The following SRGN variants were observed in gnomAD, a reference collection of about 807,000 sequenced individuals.
SRGN encodes the protein serglycin, also known as hematopoetic proteoglycan core peptide.
SRGN carries 2 observed loss-of-function variants against 9.5 expected under a neutral mutation model. That is an observed-to-expected ratio of 0.21 (90% CI 0.09 to 0.66). The LOEUF is 0.66. SRGN is among the 30% of genes least tolerant of loss of function. The probability of loss-of-function intolerance (pLI) is 0.83; values close to 1 mark genes in which losing one functional copy is unlikely to be tolerated. For synonymous variants in SRGN, 59 were observed against 72.3 expected (o/e 0.82, Z 0.93); for missense variants, 170 against 192.4 (o/e 0.88, Z 0.69).
Position 69,088,255 on chromosome 10 carries a change from G to A in SRGN, c.79+19G>A, listed in dbSNP as rs1839980034. On this transcript the variant is annotated intron_variant, in intron 1 of 2. Transcript: ENST00000242465. ...GTTCAAGGTAAGACTCAGGAGTCTT[G>A]TTCCCCAGCCATCTTCTCTGTAAGC... 1 of 1,601,778 alleles carries A rather than the reference G, an allele frequency of 6.2e-7. No homozygotes were observed.
chr10:69,103,809 A>C, intron 2 of SRGN, 62 bp from the exon 3 acceptor site: 3 of 1,552,524 alleles, frequency 1.9e-6, no homozygotes, highest in Non-Finnish European at 2.6e-6. Context: ...AAACTATTAT[A>C]ATTATCTTTC....
intron 2 of SRGN, among the ~76,000 whole-genome samples, chr10:69,103,088 C>T (rs1840324187): frequency 6.6e-6 from 1 of 151,938 alleles, no homozygotes; most frequent in Non-Finnish European, 1.5e-5. Context: ...TACAGGCATG[C>T]ACCACCACAC....
intron 1 of SRGN, among the ~76,000 whole-genome samples, chr10:69,090,169 G>C (rs902409182): frequency 2.6e-5 from 4 of 152,198 alleles, no homozygotes; most frequent in Non-Finnish European, 5.9e-5. Flanking sequence ...GCACATGTGA[G>C]TGACTGCGGC....
rs1840189221 is a variant in SRGN at position 69,097,081 on chromosome 10, C to T, written c.80-3C>T. Reference sequence around the variant, plus strand: ...TTAGTAACAATGTGGGTTCCTCGGGCAGGTTATCCTACGCGGAGAGCCAGG... The same window carrying T: ...TTAGTAACAATGTGGGTTCCTCGGGTAGGTTATCCTACGCGGAGAGCCAGG... On this transcript the variant is annotated splice_region_variant and splice_polypyrimidine_tract_variant and intron_variant, in intron 1 of 2. Transcript: ENST00000242465. 1 of 1,612,854 alleles carries T rather than the reference C, an allele frequency of 6.2e-7. No individual in the cohort carries two copies. The highest frequency in any genetic ancestry group is 1.3e-5 in the African/African-American group (1 of 74,836).
intron 2 of SRGN, among the ~76,000 whole-genome samples, chr10:69,099,448 C>A (rs10998572): frequency 0.063 from 9,572 of 151,846 alleles, 353 homozygotes; most frequent in South Asian, 0.15. Flanking sequence ...CACAGGCACA[C>A]AGCACCATGC....
chr10:69,102,275 A>C (rs112092929), intron 2 of SRGN, among the ~76,000 whole-genome samples: 66 of 152,260 alleles, frequency 4.3e-4, no homozygotes, highest in African/African-American at 1.5e-3. Flanking sequence ...CAAATCTGTG[A>C]TTCTAGCTCC....
Position 69,096,994 on chromosome 10 carries a change from G to GA in SRGN, c.80-81dup, listed in dbSNP as rs949538584. ...GGGCAGCCGACTGAGACCCTGTCTC[G>GA]AAAAAAAAATAAAAATAAAAACTTC... On this transcript the variant is annotated intron_variant, in intron 1 of 2. Coordinates refer to ENST00000242465, the MANE Select transcript of SRGN (RefSeq NM_002727.4). The GA allele has an allele frequency of 2.5e-3, 3,308 of 1,330,408 alleles. 1 individual carries two copies. Among genetic ancestry groups the GA allele is most frequent in the Middle Eastern group, 3.2e-3 (16 of 4,934 alleles). 82.4% of individuals were successfully genotyped at this position (1,330,408 alleles called of 1,614,324 possible).
chr10:69,087,879 G>T (rs1839969913), upstream of SRGN, among the ~76,000 whole-genome samples: 1 of 152,074 alleles, frequency 6.6e-6, no homozygotes, highest in Non-Finnish European at 1.5e-5. Flanking sequence ...ATGTCTTGCA[G>T]GCAAGTGGCA....
chr10:69,093,549 A>C lies in SRGN; in HGVS notation c.80-3535A>C, dbSNP rs891657264. ...ACGTCTAAGTAGCAATTAGATGCTA[A>C]ACTAATGCTGCCTCAGGAAAGAATC... On this transcript the variant is annotated intron_variant, in intron 1 of 2. Coordinates refer to ENST00000242465, the MANE Select transcript of SRGN (RefSeq NM_002727.4). Among the ~76,000 whole-genome samples the C allele has an allele frequency of 2.0e-5, 3 of 152,280 alleles. No homozygotes were observed. The Middle Eastern group carries it at 0.01, about 518-fold the overall frequency.
chr10:69,104,365 A>T lies in SRGN; in HGVS notation c.*245A>T, dbSNP rs771679034. The T allele has an allele frequency of 1.1e-4, 32 of 302,226 alleles. No individual in the cohort carries two copies. Among genetic ancestry groups the T allele is most frequent in the Non-Finnish European group, 1.9e-4 (31 of 166,624 alleles). 18.7% of individuals were successfully genotyped at this position (302,226 alleles called of 1,614,324 possible). ...GGTATCATGTTCAACCAACATCATT[A>T]TGAAATTAATTAGATTCCCATGGCC... On this transcript the variant is annotated 3_prime_UTR_variant, in exon 3 of 3. Coordinates refer to ENST00000242465, the MANE Select transcript of SRGN (RefSeq NM_002727.4).
intron 2 of SRGN, among the ~76,000 whole-genome samples, chr10:69,097,576 G>A (rs923846325): frequency 7.2e-5 from 11 of 152,050 alleles, no homozygotes; most frequent in Non-Finnish European, 1.0e-4. Flanking sequence ...ACAGGCACCC[G>A]CCACCACGCC....
chr10:69,091,369 G>A (rs1271721640), intron 1 of SRGN, among the ~76,000 whole-genome samples: 1 of 152,164 alleles, frequency 6.6e-6, no homozygotes, highest in African/African-American at 2.4e-5. Flanking sequence ...TGAGTTGAGG[G>A]AGAAATTGAA....
At chr10:69,098,676 T>C (rs1235389621) in intron 2 of SRGN, 1 of 151,428 alleles carries the variant, frequency 6.6e-6, no homozygotes, top group Non-Finnish European at 1.5e-5. Context: ...TTTTTAAAAA[T>C]GGCCAGGTGC....
chr10:69,091,703 AC>A (rs1347774566), intron 1 of SRGN, among the ~76,000 whole-genome samples: 4 of 147,714 alleles, frequency 2.7e-5, no homozygotes, highest in African/African-American at 7.5e-5. Context: ...ACATGGTGAA[AC>A]CCCCATCTCT....
chr10:69,102,440 G>A (rs183987451), intron 2 of SRGN, among the ~76,000 whole-genome samples: 12 of 152,240 alleles, frequency 7.9e-5, no homozygotes, highest in Admixed American at 7.9e-4. Flanking sequence ...GGGCTTCATC[G>A]ATCTGCCTCT....
intron 1 of SRGN, among the ~76,000 whole-genome samples, 182 bp from the exon 2 acceptor site, chr10:69,096,902 G>A (rs1282992897): frequency 1.3e-5 from 2 of 152,150 alleles, no homozygotes; most frequent in Non-Finnish European, 2.9e-5. Flanking sequence ...GCTGGGGTGG[G>A]AGAATGGCTT....
upstream of SRGN, chr10:69,087,986 T>C: frequency 2.0e-6 from 1 of 489,820 alleles, no homozygotes. Context: ...CCCACCCCCT[T>C]TCTTTCTGGG....
intron 1 of SRGN, among the ~76,000 whole-genome samples, chr10:69,090,259 T>A (rs922761377): frequency 6.6e-6 from 1 of 152,218 alleles, no homozygotes; most frequent in Non-Finnish European, 1.5e-5. Flanking sequence ...ACAACATTCT[T>A]CCTGTCTTAT....
Position 69,104,103 on chromosome 10 carries a change from G to A in SRGN, c.460G>A (p.Glu154Lys). The A allele has an allele frequency of 6.2e-7, 1 of 1,614,034 alleles. No individual in the cohort carries two copies. The highest frequency in any genetic ancestry group is 1.3e-5 in the African/African-American group (1 of 75,052). ...SQDLGQHGLE[E>K]DFML is the part of the protein sequence containing the mutation. The stretch of plus-strand genomic sequence containing the variant: ...GGACTTGGGTCAACATGGATTAGAA[G>A]AGGATTTTATGTTATAAAAGAGGAT... Residue 154 changes from glutamate to lysine, a missense_variant, in exon 3 of 3, where the codon GAG becomes AAG. Transcript: ENST00000242465.
Sources: allele counts gnomAD v4.1 joint callset (sites outside exome capture counted in the v4.1 genomes callset), GRCh38; gene constraint gnomAD v4.1.1; transcripts MANE v1.5; gene names NCBI Gene and HGNC (gene_info 2026-07-23, HGNC 2026-07-21).